WDFY2: variants seen among roughly 807,000 people sequenced by gnomAD.
WDFY2 encodes the protein WD repeat and FYVE domain-containing protein 2.
A neutral mutation model predicts 56.4 loss-of-function variants in WDFY2; 36 were observed. The observed-to-expected ratio is 0.64, with a 90% CI of 0.49 to 0.84. The LOEUF is 0.84. WDFY2 is among the 40% of genes least tolerant of loss of function. The probability of loss-of-function intolerance (pLI) is 0.00; values close to 1 mark genes in which losing one functional copy is unlikely to be tolerated. For synonymous variants in WDFY2, 176 were observed against 183.7 expected (o/e 0.96, Z 0.34); for missense variants, 444 against 512.2 (o/e 0.87, Z 1.29).
In WDFY2 at chr13:51,763,324, A is replaced by G. The variant is rs950798475; in HGVS notation, c.*3555A>G. On this transcript the variant is annotated 3_prime_UTR_variant, in exon 12 of 12. Transcript: ENST00000298125. Reference sequence around the variant, plus strand: ...GCTCCGGCCCTGTGGTGGGGGAGGTAATTATTGCCTTCATCCACATAAATT... The same window carrying G: ...GCTCCGGCCCTGTGGTGGGGGAGGTGATTATTGCCTTCATCCACATAAATT... The G allele has an allele frequency of 6.6e-6, 1 of 152,104 alleles. No individual in the cohort carries two copies. The highest frequency in any genetic ancestry group is 1.5e-5 in the Non-Finnish European group (1 of 68,024). The allele number at this position is 152,104 out of a possible 1,614,324, so 9.4% of individuals were successfully genotyped here.
At chr13:51,739,220 C>T (rs776977179) in intron 7 of WDFY2, 45 bp downstream of exon 7, 3 of 1,533,586 alleles carry the variant, frequency 2.0e-6, no homozygotes, top group Non-Finnish European at 2.6e-6. Flanking sequence ...AAAAGATTCT[C>T]AGCTGACAGC....
intron 1 of WDFY2, among the ~76,000 whole-genome samples, chr13:51,627,964 C>G (rs552717062): frequency 1.3e-5 from 2 of 152,262 alleles, no homozygotes; most frequent in South Asian, 4.2e-4. Context: ...GAAGTGCATG[C>G]TGATTGGTTC....
intron 1 of WDFY2, among the ~76,000 whole-genome samples, chr13:51,594,730 G>T (rs891506703): frequency 6.6e-6 from 1 of 152,216 alleles, no homozygotes; most frequent in Non-Finnish European, 1.5e-5. Context: ...TACAGTCTCA[G>T]TTTCCGTGTC....
chr13:51,689,920 A>G (rs1011055980), intron 3 of WDFY2, among the ~76,000 whole-genome samples: 1 of 152,116 alleles, frequency 6.6e-6, no homozygotes, highest in Non-Finnish European at 1.5e-5. Flanking sequence ...TAATACTAAG[A>G]TGTTACTTGC....
intron 3 of WDFY2, among the ~76,000 whole-genome samples, chr13:51,689,929 G>A (rs1479923346): frequency 6.6e-6 from 1 of 152,056 alleles, no homozygotes; most frequent in African/African-American, 2.4e-5. Context: ...GATGTTACTT[G>A]CCTTTTTCAC....
intron 1 of WDFY2, among the ~76,000 whole-genome samples, chr13:51,650,571 A>ATT (rs898929228): frequency 2.0e-5 from 3 of 152,184 alleles, no homozygotes; most frequent in African/African-American, 7.2e-5. Flanking sequence ...AGCTCTTATT[A>ATT]TTTTGAGATA....
chr13:51,618,189 C>G (rs1239385858), intron 1 of WDFY2, among the ~76,000 whole-genome samples: 1 of 152,196 alleles, frequency 6.6e-6, no homozygotes, highest in Non-Finnish European at 1.5e-5. Context: ...ATATTAGTAT[C>G]AACACTTCTT....
intron 1 of WDFY2, among the ~76,000 whole-genome samples, chr13:51,648,297 C>T (rs1483625521): frequency 6.6e-6 from 1 of 152,168 alleles, no homozygotes; most frequent in Non-Finnish European, 1.5e-5. Flanking sequence ...ACCTAGCTTC[C>T]TTGCTGCCTT....
intron 5 of WDFY2, among the ~76,000 whole-genome samples, chr13:51,719,972 A>C (rs1009114482): frequency 4.6e-5 from 7 of 152,188 alleles, no homozygotes. Context: ...TAATGCTCAC[A>C]GCTGCCCGAC....
rs569380552 is a variant in WDFY2, at chr13:51,661,152, A to C, written c.205+489A>C. On this transcript the variant is annotated intron_variant, in intron 2 of 11. Coordinates refer to ENST00000298125, the MANE Select transcript of WDFY2 (RefSeq NM_052950.4). ...GTTGATTTCATTTCCCCAAGATCTT[A>C]TCTGAGAATTATGTCCTTGCACTGA... Among the ~76,000 whole-genome samples the C allele has an allele frequency of 1.3e-3, 197 of 152,350 alleles. 1 individual carries two copies. The highest frequency in any genetic ancestry group is 4.5e-3 in the African/African-American group (187 of 41,582).
At chr13:51,611,468 GAAT>G (rs1452577689) in intron 1 of WDFY2, among the ~76,000 whole-genome samples, 1 of 152,142 alleles carries the variant, frequency 6.6e-6, no homozygotes, top group Non-Finnish European at 1.5e-5. Flanking sequence ...AATCTTAAAT[GAAT>G]AATAATATAT....
intron 7 of WDFY2, among the ~76,000 whole-genome samples, chr13:51,741,458 G>A (rs952266257): frequency 6.6e-6 from 1 of 152,192 alleles, no homozygotes; most frequent in Admixed American, 6.5e-5. Flanking sequence ...GTCTGTTAGA[G>A]TGGGTCTGAA....
At chr13:51,703,504 T>A (rs919008847) in intron 3 of WDFY2, 92 bp from the exon 4 acceptor site, 1 of 947,576 alleles carries the variant, frequency 1.1e-6, no homozygotes, top group Non-Finnish European at 1.6e-6. Context: ...GTAATCGTCA[T>A]GACAATTCGC....
chr13:51,619,932 T>A (rs955034037), intron 1 of WDFY2, among the ~76,000 whole-genome samples: 3 of 152,244 alleles, frequency 2.0e-5, no homozygotes, highest in African/African-American at 7.2e-5. Context: ...GTTAGGTTAT[T>A]GTTCCCTATG....
rs1406777792 is a variant in WDFY2, at chr13:51,719,348, A to G, written c.485A>G (p.Gln162Arg). 1.3e-6 allele frequency: 2 copies of G among 1,564,830 alleles called. No individual in the cohort carries two copies. Among genetic ancestry groups the G allele is most frequent in the African/African-American group, 2.8e-5 (2 of 72,714 alleles). Reference sequence around the variant, plus strand: ...ACCAGTGCTGTGGCCTCAGGCCTGCAGTATCCTTTGCTGGACAAAAATCTC... The same window carrying G: ...ACCAGTGCTGTGGCCTCAGGCCTGCGGTATCCTTTGCTGGACAAAAATCTC... ...YRTSAVASGL[Q>R]FDVETRHVFI... The change falls in exon 5 of 12, where the codon CAA (glutamine) becomes CGA (arginine). Residue 162 changes from glutamine (Q) to arginine (R), a missense_variant and splice_region_variant. Coordinates refer to ENST00000298125, the MANE Select transcript of WDFY2 (RefSeq NM_052950.4).
chr13:51,723,165 T>G (rs1187715489), intron 5 of WDFY2, among the ~76,000 whole-genome samples: 1 of 152,224 alleles, frequency 6.6e-6, no homozygotes, highest in African/African-American at 2.4e-5. Context: ...TTGCTTTCTC[T>G]CAATTTTTGC....
chr13:51,638,206 AT>A (rs1262525252), intron 1 of WDFY2, among the ~76,000 whole-genome samples: 1 of 152,186 alleles, frequency 6.6e-6, no homozygotes, highest in Non-Finnish European at 1.5e-5. Flanking sequence ...ACATAATTAG[AT>A]TTGGATTTTA....
At chr13:51,616,647 A>T (rs1954620922) in intron 1 of WDFY2, among the ~76,000 whole-genome samples, 1 of 152,254 alleles carries the variant, frequency 6.6e-6, no homozygotes, top group African/African-American at 2.4e-5. Context: ...TGGCTTTTAA[A>T]GACTTCTGTC....
At chr13:51,727,986 CAAAAG>C (rs1952641742) in intron 6 of WDFY2, among the ~76,000 whole-genome samples, 196 bp downstream of exon 6, 3 of 152,294 alleles carry the variant, frequency 2.0e-5, no homozygotes, top group Admixed American at 2.0e-4. Context: ...ATAATCCAAA[CAAAAG>C]AGAAACCAAT....
Sources: gnomAD v4.1 joint callset for allele counts (sites outside exome capture counted in the v4.1 genomes callset) on GRCh38, gnomAD v4.1.1 for gene constraint, MANE v1.5 for transcripts, NCBI Gene and HGNC (gene_info 2026-07-23, HGNC 2026-07-21) for gene names.